KCNIP4: variants seen among roughly 807,000 people sequenced by gnomAD.
KCNIP4 encodes the protein Kv channel-interacting protein 4.
KCNIP4 carries 12 observed loss-of-function variants against 34.0 expected under a neutral mutation model. The ratio of observed to expected loss-of-function variants is 0.35; its 90% CI spans 0.23 to 0.57. The LOEUF is 0.57. Ranked by LOEUF, KCNIP4 falls within the 20% of genes least tolerant of loss-of-function variation. KCNIP4 has a pLI of 0.83. For missense variants in KCNIP4, 238 were observed against 311.7 expected, an observed-to-expected ratio of 0.76 and a Z score of 1.78; for synonymous variants, 124 against 102.2, an observed-to-expected ratio of 1.21 and a Z score of -1.29.
intron 1 of KCNIP4, among the ~76,000 whole-genome samples, chr4:21,868,691 G>A (rs6839725): frequency 0.1 from 15,403 of 152,128 alleles, 781 homozygotes; most frequent in Middle Eastern, 0.13. Flanking sequence ...TCCTTAAAAC[G>A]TAGTAATTGA....
At chr4:20,920,463 G>T (rs983680416) in intron 1 of KCNIP4, among the ~76,000 whole-genome samples, 2 of 152,138 alleles carry the variant, frequency 1.3e-5, no homozygotes, top group Admixed American at 1.3e-4. Flanking sequence ...TGAACATTCT[G>T]CAAGGAGAGG....
chr4:21,298,840 C>A (rs1763994296), intron 1 of KCNIP4, among the ~76,000 whole-genome samples: 1 of 152,080 alleles, frequency 6.6e-6, no homozygotes, highest in Admixed American at 6.6e-5. Context: ...TAGAATGCGT[C>A]CAAGAAAGGC....
At chr4:20,794,703 G>A (rs907521996) in intron 3 of KCNIP4, among the ~76,000 whole-genome samples, 1 of 152,124 alleles carries the variant, frequency 6.6e-6, no homozygotes, top group African/African-American at 2.4e-5. Context: ...CTCGATCTCT[G>A]TGTGGGTTAT....
chr4:21,111,458 CA>C (rs1560732099), intron 1 of KCNIP4, among the ~76,000 whole-genome samples: 2 of 152,100 alleles, frequency 1.3e-5, no homozygotes, highest in African/African-American at 4.8e-5. Context: ...AAGAATGTGG[CA>C]ACCATCTCCA....
At chr4:20,753,457 C>G (rs766905891) in intron 4 of KCNIP4, among the ~76,000 whole-genome samples, 1 of 152,094 alleles carries the variant, frequency 6.6e-6, no homozygotes, top group Admixed American at 6.6e-5. Flanking sequence ...CCAATTATAT[C>G]GAGAACACAG....
intron 1 of KCNIP4, among the ~76,000 whole-genome samples, chr4:21,214,646 T>C (rs1385389283): frequency 6.6e-6 from 1 of 152,178 alleles, no homozygotes; most frequent in East Asian, 1.9e-4. Context: ...GAATACAATC[T>C]TACTTCTGTT....
Position 21,905,860 on chromosome 4 carries a change from T to C in KCNIP4, c.61+42711A>G, listed in dbSNP as rs76543637. On this transcript the variant is annotated intron_variant, in intron 1 of 8. Coordinates refer to ENST00000382152, the MANE Select transcript of KCNIP4 (RefSeq NM_025221.6). ...AACTTACATCTATATGTAAGTTGAC[T>C]GCATCAGACTCACCCCATGGGCATT... 8.7e-3 allele frequency among the ~76,000 whole-genome samples: 1,332 copies of C among 152,252 alleles called. 15 individuals are homozygous for C. Among genetic ancestry groups the C allele is most frequent in the South Asian group, 0.035 (167 of 4,820 alleles).
chr4:21,315,592 T>C (rs911201622), intron 1 of KCNIP4, among the ~76,000 whole-genome samples: 6 of 152,272 alleles, frequency 3.9e-5, no homozygotes, highest in South Asian at 2.1e-4. Context: ...GCCCTTAAAA[T>C]ACATCAAGCT....
At chr4:21,808,248 C>A (rs998473426) in intron 1 of KCNIP4, among the ~76,000 whole-genome samples, 1 of 152,074 alleles carries the variant, frequency 6.6e-6, no homozygotes, top group South Asian at 2.1e-4. Context: ...TCCTTGAACA[C>A]ACAAATTTGA....
intron 1 of KCNIP4, among the ~76,000 whole-genome samples, chr4:21,738,963 C>T (rs1383803233): frequency 2.0e-5 from 3 of 152,110 alleles, no homozygotes; most frequent in Non-Finnish European, 4.4e-5. Flanking sequence ...CTTGATTCGG[C>T]TTTCATTAAA....
intron 1 of KCNIP4, among the ~76,000 whole-genome samples, chr4:21,323,377 T>A (rs1050601888): frequency 6.6e-6 from 1 of 151,980 alleles, no homozygotes; most frequent in Non-Finnish European, 1.5e-5. Context: ...AGAATGATAT[T>A]ATTGTATCTA....
At chr4:21,111,339 A>C (rs1190761568) in intron 1 of KCNIP4, among the ~76,000 whole-genome samples, 2 of 152,210 alleles carry the variant, frequency 1.3e-5, no homozygotes, top group African/African-American at 4.8e-5. Context: ...GTTTATCTGC[A>C]CTTTACCCTT....
At chr4:20,843,501 A>T (rs112863767) in intron 3 of KCNIP4, among the ~76,000 whole-genome samples, 1 of 152,112 alleles carries the variant, frequency 6.6e-6, no homozygotes, top group Non-Finnish European at 1.5e-5. Flanking sequence ...AGGTGGAGGC[A>T]GGCGGATCAC....
chr4:21,578,131 C>T (rs1326382576), intron 1 of KCNIP4, among the ~76,000 whole-genome samples: 1 of 151,956 alleles, frequency 6.6e-6, no homozygotes, highest in Non-Finnish European at 1.5e-5. Context: ...GTCAGGCATT[C>T]AAGACCAGCC....
chr4:21,564,000 T>C lies in KCNIP4; in HGVS notation c.61+384571A>G, dbSNP rs765488050. ...ATATACCTTTTTACTAAGCAATTAA[T>C]ATATCTAAGACATTGTTTTTATCTA... On this transcript the variant is annotated intron_variant, in intron 1 of 8. Coordinates refer to ENST00000382152, the MANE Select transcript of KCNIP4 (RefSeq NM_025221.6). Among the ~76,000 whole-genome samples, 6 of 152,138 alleles carry C rather than the reference T, an allele frequency of 3.9e-5. No homozygotes were observed. The East Asian group carries it at 9.6e-4, about 24-fold the overall frequency.
chr4:20,732,095 A>G (rs761738740), intron 7 of KCNIP4, 27 bp from the exon 8 acceptor site: 21 of 1,504,438 alleles, frequency 1.4e-5, no homozygotes, highest in Middle Eastern at 1.7e-4. Flanking sequence ...CAAAAATTGT[A>G]TTTAGACTTA....
intron 1 of KCNIP4, among the ~76,000 whole-genome samples, chr4:21,765,324 A>G (rs930775782): frequency 6.6e-6 from 1 of 151,712 alleles, no homozygotes; most frequent in African/African-American, 2.4e-5. Context: ...TTATTGGGCC[A>G]CTGGAGTGGT....
intron 1 of KCNIP4, among the ~76,000 whole-genome samples, chr4:21,378,983 T>C (rs549770092): frequency 6.6e-6 from 1 of 152,280 alleles, no homozygotes; most frequent in African/African-American, 2.4e-5. Flanking sequence ...TTAAAAACAA[T>C]CGTTAATTCA....
intron 1 of KCNIP4, among the ~76,000 whole-genome samples, chr4:20,946,560 G>T (rs932006536): frequency 7.2e-5 from 11 of 152,170 alleles, no homozygotes; most frequent in Admixed American, 6.5e-5. Context: ...CTGAGATGTA[G>T]AAATTGGAAT....
Sources: allele counts gnomAD v4.1 joint callset (sites outside exome capture counted in the v4.1 genomes callset), GRCh38; gene constraint gnomAD v4.1.1; transcripts MANE v1.5; gene names NCBI Gene and HGNC (gene_info 2026-07-23, HGNC 2026-07-21).